Variants in PATZ1 observed in about 807,000 individuals in gnomAD.
PATZ1 encodes the protein POZ-, AT hook-, and zinc finger-containing protein 1.
Under a neutral mutation model 46.2 loss-of-function variants are expected in PATZ1, and 9 were observed. The observed-to-expected ratio is 0.19, with a 90% CI of 0.12 to 0.34. The LOEUF is 0.34. Ranked by LOEUF, PATZ1 falls within the 10% of genes least tolerant of loss-of-function variation. The probability of loss-of-function intolerance (pLI) is 1.00; values close to 1 mark genes in which losing one functional copy is unlikely to be tolerated. For synonymous variants in PATZ1, 426 were observed against 378.6 expected, an observed-to-expected ratio of 1.13 and a Z score of -1.45; for missense variants, 632 against 923.0, an observed-to-expected ratio of 0.68 and a Z score of 4.08.
chr22:31,345,774 A>G lies in PATZ1; in HGVS notation c.-172T>C. 1 of 621,674 alleles carries G rather than the reference A, an allele frequency of 1.6e-6. No individual in the cohort carries two copies. The highest frequency in any genetic ancestry group is 2.7e-6 in the Non-Finnish European group (1 of 376,556). The allele number at this position is 621,674 out of a possible 1,614,324, so 38.5% of individuals were successfully genotyped here. A position where few individuals can be genotyped will look rare whatever the true frequency, so the allele number is the denominator to read the frequency against. On this transcript the variant is annotated 5_prime_UTR_variant, in exon 1 of 5. Transcript: ENST00000266269. The surrounding 1 kb of genome is among the most constrained non-coding windows in gnomAD (Gnocchi z 7.4). ...TGTACACGCCCCCAGCCCGGATCAG[A>G]CTGTCTAGACTGCGGGGTGCACCAC...
intron 2 of PATZ1, among the ~76,000 whole-genome samples, chr22:31,342,135 G>A (rs2049590309): frequency 6.6e-6 from 1 of 152,096 alleles, no homozygotes; most frequent in Non-Finnish European, 1.5e-5. Flanking sequence ...AGAAGACAGA[G>A]GTGTGTTCGC....
At chr22:31,339,132 C>T (rs1287679813) in intron 2 of PATZ1, among the ~76,000 whole-genome samples, 1 of 152,168 alleles carries the variant, frequency 6.6e-6, no homozygotes, top group Non-Finnish European at 1.5e-5. Context: ...CCACAAGTGG[C>T]TTATCCATTT....
At chr22:31,340,997 C>G in intron 2 of PATZ1, 1 of 1,075,044 alleles carries the variant, frequency 9.3e-7, no homozygotes, top group Non-Finnish European at 1.1e-6. Context: ...GGCCGACTCA[C>G]TCGTGGAGTG....
rs1378006051 is a variant in PATZ1, at chr22:31,346,202, G to A, written c.-600C>T. 6.5e-6 allele frequency: 1 copy of A among 152,776 alleles called. No homozygotes were observed. The highest frequency in any genetic ancestry group is 1.4e-5 in the Non-Finnish European group (1 of 70,314). 9.5% of individuals were successfully genotyped at this position (152,776 alleles called of 1,614,324 possible). ...CGCGGGCCGGGTCCCGGAGCCTGGA[G>A]GGCGGTGGCGGCGGCGGCGGCGGCT... On this transcript the variant is annotated 5_prime_UTR_variant, in exon 1 of 5. Transcript: ENST00000266269.
Position 31,331,222 on chromosome 22 carries a change from G to C in PATZ1, c.1508-2298C>G, listed in dbSNP as rs576097509. Among the ~76,000 whole-genome samples the C allele has an allele frequency of 1.6e-4, 24 of 152,276 alleles. No individual in the cohort carries two copies. The South Asian group carries it at 4.8e-3, about 30-fold the overall frequency. On this transcript the variant is annotated intron_variant, in intron 3 of 4. Coordinates refer to ENST00000266269, the MANE Select transcript of PATZ1 (RefSeq NM_014323.3). ...AGAGGCTGTTAGCCCTGCCCCTTGG[G>C]GTGGTACTGTAGAGTCCCCTAAAAC...
chr22:31,341,357 G>A (rs1405019005), intron 2 of PATZ1: 3 of 1,507,070 alleles, frequency 2.0e-6, no homozygotes, highest in East Asian at 4.6e-5. Context: ...CAGGCCAAAT[G>A]CCCCTCCTGT....
At position 31,345,744 on chromosome 22, in the gene PATZ1, C is replaced by T; in HGVS notation, c.-142G>A. ...GAGGCTCTGTAGTCTCGCAGGTGCG[C>T]CGAGTGTACACGCCCCCAGCCCGGA... On this transcript the variant is annotated 5_prime_UTR_variant, in exon 1 of 5. Transcript: ENST00000266269. The surrounding 1 kb of genome is among the most constrained non-coding windows in gnomAD (Gnocchi z 7.4). The T allele has an allele frequency of 1.2e-6, 1 of 830,324 alleles. No homozygotes were observed. The highest frequency in any genetic ancestry group is 1.8e-6 in the Non-Finnish European group (1 of 550,666). 51.4% of individuals were successfully genotyped at this position (830,324 alleles called of 1,614,324 possible).
In PATZ1 at chr22:31,345,008, T is replaced by C. The variant is rs769240946; in HGVS notation, c.595A>G (p.Ser199Gly). 1 of 1,614,094 alleles carries C rather than the reference T, an allele frequency of 6.2e-7. No individual in the cohort carries two copies. The highest frequency in any genetic ancestry group is 1.1e-5 in the South Asian group (1 of 91,086). Residue 199 changes from serine to glycine, a missense_variant, in exon 1 of 5, where the codon AGC becomes GGC. Ser to Gly is a moderately conservative substitution (Grantham distance 56). This residue lies in a region of PATZ1 where 279 missense variants were observed against 284.3 expected (regional missense o/e 0.98). Transcript: ENST00000266269. The surrounding 1 kb of genome is among the most constrained non-coding windows in gnomAD (Gnocchi z 7.4). ...MTNGAALAAN[S>G]NGIAGSMQPE... ...TGCATGCTGCCGGCGATGCCATTGC[T>C]GTTGGCTGCCAAGGCTGCCCCGTTG...
chr22:31,332,698 G>T (rs1456089561), intron 3 of PATZ1, among the ~76,000 whole-genome samples: 1 of 152,232 alleles, frequency 6.6e-6, no homozygotes, highest in Non-Finnish European at 1.5e-5. Flanking sequence ...AGCTTGATGT[G>T]AGTCCAGGGG....
chr22:31,331,153 G>A (rs2049436537), intron 3 of PATZ1, among the ~76,000 whole-genome samples: 1 of 152,188 alleles, frequency 6.6e-6, no homozygotes, highest in Non-Finnish European at 1.5e-5. Context: ...ACATCCCTAA[G>A]AGGGAGGCTG....
At chr22:31,337,169 A>G (rs2049522247) in intron 2 of PATZ1, among the ~76,000 whole-genome samples, 1 of 152,094 alleles carries the variant, frequency 6.6e-6, no homozygotes, top group Non-Finnish European at 1.5e-5. Flanking sequence ...AGCAAGGATG[A>G]TGATACTACC....
At position 31,345,852 on chromosome 22, in the gene PATZ1, TCCGC is replaced by T. The variant is rs554252460; in HGVS notation, c.-254_-251del. On this transcript the variant is annotated 5_prime_UTR_variant, in exon 1 of 5. Transcript: ENST00000266269. This position sits in a 1 kb window ranked among gnomAD's most constrained non-coding sequence, Gnocchi z 7.4. ...CTGGACTGCGCGCCACTCTCTCCTCTCCGCCCGCCCGCCTCCCCTTCCCGGTCTA... is the reference window on the plus strand; with the variant it reads ...CTGGACTGCGCGCCACTCTCTCCTCTCCGCCCGCCTCCCCTTCCCGGTCTA... 2.3e-3 allele frequency: 915 copies of T among 392,346 alleles called. 6 individuals carry two copies. The highest frequency in any genetic ancestry group is 0.017 in the African/African-American group (820 of 47,692). The allele number at this position is 392,346 out of a possible 1,614,324, so 24.3% of individuals were successfully genotyped here. A position where few individuals can be genotyped will look rare whatever the true frequency, so the allele number is the denominator to read the frequency against.
intron 2 of PATZ1, among the ~76,000 whole-genome samples, chr22:31,342,644 C>T (rs1322554779): frequency 1.3e-5 from 2 of 152,072 alleles, no homozygotes; most frequent in African/African-American, 4.8e-5. Flanking sequence ...AGCCAAGCAA[C>T]AGAGTGAAGG....
At chr22:31,330,200 T>C (rs982129056) in intron 3 of PATZ1, among the ~76,000 whole-genome samples, 1 of 152,224 alleles carries the variant, frequency 6.6e-6, no homozygotes, top group Non-Finnish European at 1.5e-5. Context: ...GAAGTGCTGA[T>C]GGCACACCAG....
At chr22:31,335,475 G>A in intron 3 of PATZ1, 1 of 527,318 alleles carries the variant, frequency 1.9e-6, no homozygotes. Context: ...TGACCTGCTG[G>A]TCTCCTGGGA....
intron 3 of PATZ1, among the ~76,000 whole-genome samples, chr22:31,333,476 C>CTTTTTTTTTTTTTTT: frequency 7.8e-6 from 1 of 128,738 alleles, no homozygotes; most frequent in South Asian, 2.8e-4. Context: ...TATCCTCTTC[C>CTTTTTTTTTTTTTTT]TTTTTTTTTT....
chr22:31,337,363 C>A (rs554007483), intron 2 of PATZ1, among the ~76,000 whole-genome samples: 24 of 152,234 alleles, frequency 1.6e-4, no homozygotes, highest in African/African-American at 5.8e-4. Flanking sequence ...GCCAGGCCCC[C>A]GGGGTTGGAT....
chr22:31,338,057 T>G (rs1601492026), intron 2 of PATZ1: 1 of 152,250 alleles, frequency 6.6e-6, no homozygotes, highest in Admixed American at 6.5e-5. Flanking sequence ...ATCTGTTTTA[T>G]ATATTCAGTG....
rs2049379939 is a variant in PATZ1, at chr22:31,327,279, A to G, written c.1676T>C (p.Ile559Thr). 4 of 1,613,982 alleles carry G rather than the reference A, an allele frequency of 2.5e-6. No homozygotes were observed. The highest frequency in any genetic ancestry group is 1.3e-5 in the African/African-American group (1 of 74,924). The change falls in exon 5 of 5, where the codon ATT (isoleucine) becomes ACT (threonine). Residue 559 changes from isoleucine (I) to threonine (T), a missense_variant. Coordinates refer to ENST00000266269, the MANE Select transcript of PATZ1 (RefSeq NM_014323.3). The surrounding 1 kb of genome is among the most constrained non-coding windows in gnomAD (Gnocchi z 4.2). Reference protein sequence around the residue: ...EGQKCSHQDPIESSDSYGDLS... With the variant: ...EGQKCSHQDPTESSDSYGDLS... ...GTCACCATAGGAGTCAGAGCTCTCA[A>G]TCGGATCCTGATGTGAGCATTTCTG... is the stretch of plus-strand genomic sequence containing the variant.
Sources: gnomAD v4.1 joint callset for allele counts (sites outside exome capture counted in the v4.1 genomes callset) on GRCh38, gnomAD v4.1.1 for gene constraint, gnomAD v4.1.1 regional missense constraint, Gnocchi (gnomAD v3.1) non-coding constraint, MANE v1.5 for transcripts, NCBI Gene and HGNC (gene_info 2026-07-23, HGNC 2026-07-21) for gene names.